KMT2E: variants seen among roughly 807,000 people sequenced by gnomAD.
KMT2E encodes lysine methyltransferase 2E (inactive), also known as histone reader KMT2E.
A neutral mutation model predicts 184.6 loss-of-function variants in KMT2E; 30 were observed. The observed-to-expected ratio is 0.16, with a 90% CI of 0.12 to 0.22. KMT2E has a LOEUF of 0.22. KMT2E is among the 10% of genes least tolerant of loss of function. KMT2E has a pLI of 1.00. For missense variants in KMT2E, 2,023 were observed against 2,237.4 expected, an observed-to-expected ratio of 0.90 and a Z score of 1.93; for synonymous variants, 815 against 776.5, an observed-to-expected ratio of 1.05 and a Z score of -0.82.
chr7:105,113,409 T>C lies in KMT2E; in HGVS notation c.*76T>C. Reference sequence around the variant, plus strand: ...TTTCATATGTACCTGTTAAGGTACTTTTTAAAGCTTGTACATGAACCTTTG... The same window carrying C: ...TTTCATATGTACCTGTTAAGGTACTCTTTAAAGCTTGTACATGAACCTTTG... On this transcript the variant is annotated 3_prime_UTR_variant, in exon 27 of 27. Coordinates refer to ENST00000311117, the MANE Select transcript of KMT2E (RefSeq NM_182931.3). 7.0e-7 allele frequency: 1 copy of C among 1,427,884 alleles called. No homozygotes were observed. Among genetic ancestry groups the C allele is most frequent in the Non-Finnish European group, 9.3e-7 (1 of 1,070,450 alleles). The allele number at this position is 1,427,884 out of a possible 1,614,324, so 88.5% of individuals were successfully genotyped here.
chr7:105,052,787 C>T (rs1005569887), intron 3 of KMT2E, among the ~76,000 whole-genome samples: 8 of 151,704 alleles, frequency 5.3e-5, no homozygotes, highest in Middle Eastern at 3.2e-3. Flanking sequence ...ACTATGTTCG[C>T]CAGACTGGTC....
Position 105,112,911 on chromosome 7 carries a change from C to T in KMT2E, c.5155C>T (p.Pro1719Ser), listed in dbSNP as rs777332579. The T allele has an allele frequency of 6.2e-7, 1 of 1,613,666 alleles. No individual in the cohort carries two copies. The highest frequency in any genetic ancestry group is 8.5e-7 in the Non-Finnish European group (1 of 1,179,944). Residue 1719 changes from proline (P) to serine (S), a missense_variant, in exon 27 of 27, where the codon CCT (proline) becomes TCT (serine). Pro to Ser is a moderately conservative substitution (Grantham distance 74). Coordinates refer to ENST00000311117, the MANE Select transcript of KMT2E (RefSeq NM_182931.3). Reference protein sequence around the residue: ...HVVNSAPPPPPPPPPSSVLAS... With the variant: ...HVVNSAPPPPSPPPPSSVLAS... ...TGTAAATTCAGCACCCCCACCACCC[C>T]CTCCGCCGCCACCTTCCAGTGTTTT...
At chr7:105,033,021 C>T (rs895921605) in intron 1 of KMT2E, among the ~76,000 whole-genome samples, 1 of 152,154 alleles carries the variant, frequency 6.6e-6, no homozygotes, top group African/African-American at 2.4e-5. Context: ...CAGGTGTGGA[C>T]ATTCCCCTGG....
intron 3 of KMT2E, among the ~76,000 whole-genome samples, chr7:105,061,733 C>A (rs987954909): frequency 6.6e-6 from 1 of 152,050 alleles, no homozygotes; most frequent in African/African-American, 2.4e-5. Flanking sequence ...AATATCTGGT[C>A]ACACTCAACA....
At chr7:105,020,747 TATTTG>T (rs1255225837) in intron 1 of KMT2E, among the ~76,000 whole-genome samples, 8 of 152,342 alleles carry the variant, frequency 5.3e-5, no homozygotes, top group African/African-American at 1.9e-4. Flanking sequence ...ATTTTAAACT[TATTTG>T]AGTTAAATAA....
chr7:105,112,646 T>TCCA lies in KMT2E; in HGVS notation c.4899_4901dup (p.Pro1634dup), dbSNP rs765153302. 4 of 1,613,432 alleles carry TCCA rather than the reference T, an allele frequency of 2.5e-6. No individual in the cohort carries two copies. In the African/African-American group the frequency reaches 4.0e-5, roughly 16 times the overall value. On this transcript the variant is annotated inframe_insertion, in exon 27 of 27. Coordinates refer to ENST00000311117, the MANE Select transcript of KMT2E (RefSeq NM_182931.3). ...CTGCTGCCGTAGTCCCCCCTCCTCC[T>TCCA]CCACCACCACCTGCTCCAGGACCGC... is the stretch of plus-strand genomic sequence containing the variant.
chr7:105,016,323 G>C (rs1794715673), intron 1 of KMT2E, among the ~76,000 whole-genome samples: 1 of 152,188 alleles, frequency 6.6e-6, no homozygotes, highest in Admixed American at 6.5e-5. Flanking sequence ...ATTTGGTAAA[G>C]TGAAGCTTCA....
At chr7:105,061,147 G>A (rs1264089579) in intron 3 of KMT2E, among the ~76,000 whole-genome samples, 10 of 152,094 alleles carry the variant, frequency 6.6e-5, no homozygotes, top group Non-Finnish European at 1.0e-4. Flanking sequence ...TTGAGACTTC[G>A]TGAAGGGATG....
At chr7:105,052,359 A>G (rs1796385549) in intron 3 of KMT2E, among the ~76,000 whole-genome samples, 1 of 152,132 alleles carries the variant, frequency 6.6e-6, no homozygotes, top group South Asian at 2.1e-4. Context: ...ATTATCTAAA[A>G]TAGTATCTGA....
intron 5 of KMT2E, among the ~76,000 whole-genome samples, chr7:105,066,187 CAT>C (rs997044990): frequency 5.2e-4 from 79 of 152,224 alleles, no homozygotes; most frequent in African/African-American, 1.4e-3. Flanking sequence ...GAAATTTACA[CAT>C]GTCTGCACAT....
At chr7:105,111,727 T>C in intron 26 of KMT2E, 98 bp from the exon 27 acceptor site, 1 of 1,365,272 alleles carries the variant, frequency 7.3e-7, no homozygotes, top group South Asian at 1.5e-5. Flanking sequence ...TGCCCCCCAT[T>C]AAAATTAATA....
At chr7:105,096,100 CAAA>C (rs1282985643) in intron 15 of KMT2E, among the ~76,000 whole-genome samples, 2 of 151,768 alleles carry the variant, frequency 1.3e-5, no homozygotes, top group East Asian at 3.9e-4. Flanking sequence ...ACTAAAAATA[CAAA>C]AATTAGCCAG....
At chr7:105,106,089 G>C in intron 19 of KMT2E, 86 bp downstream of exon 19, 1 of 1,294,496 alleles carries the variant, frequency 7.7e-7, no homozygotes, top group South Asian at 1.4e-5. Context: ...CTAGTTACTG[G>C]TATGCACTTT....
intron 11 of KMT2E, among the ~76,000 whole-genome samples, chr7:105,078,066 A>G (rs1797603292): frequency 2.6e-5 from 4 of 152,248 alleles, no homozygotes. Flanking sequence ...TGTGTCCTAC[A>G]ATTATCAAAA....
At chr7:105,063,858 A>G (rs1796918673) in intron 5 of KMT2E, 1 of 488,018 alleles carries the variant, frequency 2.0e-6, no homozygotes, top group Admixed American at 3.2e-5. Context: ...GTACAAGTAC[A>G]TAAACATAGC....
chr7:105,066,147 C>T (rs924586752), intron 5 of KMT2E, among the ~76,000 whole-genome samples: 3 of 151,932 alleles, frequency 2.0e-5, no homozygotes, highest in Non-Finnish European at 4.4e-5. Context: ...CACCAAAGCA[C>T]CTGTAAAAAA....
Position 105,077,188 on chromosome 7 carries a change from G to T in KMT2E, c.994G>T (p.Val332Leu). ...CAACAATTTGCTCTTCAAACCTCCT[G>T]TAGAGGTAAATACATCATTTGTCCA... ...NTNNLLFKPP[V>L]ESHIQKNKKI... is the part of the protein sequence containing the mutation. The change falls in exon 10 of 27, where the codon GTA becomes TTA. Residue 332 changes from valine (V) to leucine (L), a missense_variant. Coordinates refer to ENST00000311117, the MANE Select transcript of KMT2E (RefSeq NM_182931.3). The T allele has an allele frequency of 1.9e-6, 3 of 1,612,326 alleles. No individual in the cohort carries two copies. The highest frequency in any genetic ancestry group is 2.5e-6 in the Non-Finnish European group (3 of 1,178,582).
intron 9 of KMT2E, 144 bp from the exon 10 acceptor site, chr7:105,076,819 A>T (rs1797543868): frequency 1.5e-6 from 1 of 647,508 alleles, no homozygotes; most frequent in Non-Finnish European, 2.7e-6. Flanking sequence ...AGAAACCGTT[A>T]AACAGCAGTT....
intron 15 of KMT2E, among the ~76,000 whole-genome samples, chr7:105,097,099 A>G (rs1798441105): frequency 6.6e-6 from 1 of 152,250 alleles, no homozygotes; most frequent in Non-Finnish European, 1.5e-5. Flanking sequence ...AAAACACTGC[A>G]GAATCCATGC....
Sources: gnomAD v4.1 joint callset for allele counts (sites outside exome capture counted in the v4.1 genomes callset) on GRCh38, gnomAD v4.1.1 for gene constraint, MANE v1.5 for transcripts, NCBI Gene and HGNC (gene_info 2026-07-23, HGNC 2026-07-21) for gene names.